Variants in ASIC2 observed in about 807,000 individuals in gnomAD.
ASIC2 encodes the protein acid-sensing ion channel 2.
In ASIC2, 25 loss-of-function variants were observed where a neutral mutation model predicts 57.3. The observed-to-expected ratio is 0.44, with a 90% CI of 0.32 to 0.61. The LOEUF is 0.61. Ranked by LOEUF, ASIC2 falls within the 20% of genes least tolerant of loss-of-function variation. The probability of loss-of-function intolerance (pLI) is 0.06; values close to 1 mark genes in which losing one functional copy is unlikely to be tolerated. For synonymous variants in ASIC2, 319 were observed against 307.5 expected (o/e 1.04, Z -0.39); for missense variants, 641 against 738.1 (o/e 0.87, Z 1.52).
chr17:34,117,253 GATAT>G (rs754618283), intron 1 of ASIC2, among the ~76,000 whole-genome samples: 6 of 152,126 alleles, frequency 3.9e-5, no homozygotes, highest in Non-Finnish European at 7.4e-5. Context: ...GTGGAAAAAA[GATAT>G]ATAAACAGAC....
At chr17:33,073,961 G>A (rs779300650) in intron 3 of ASIC2, among the ~76,000 whole-genome samples, 4 of 152,108 alleles carry the variant, frequency 2.6e-5, no homozygotes, top group Non-Finnish European at 4.4e-5. Context: ...TGAGGAGAGA[G>A]AACAACAGAG....
intron 1 of ASIC2, among the ~76,000 whole-genome samples, chr17:33,154,399 A>G (rs1176623385): frequency 6.6e-6 from 1 of 152,198 alleles, no homozygotes; most frequent in Admixed American, 6.5e-5. Context: ...CATTCTTTAA[A>G]AAGTTGGTAG....
chr17:34,035,800 C>T (rs2142041190), intron 1 of ASIC2, among the ~76,000 whole-genome samples: 1 of 152,236 alleles, frequency 6.6e-6, no homozygotes, highest in Non-Finnish European at 1.5e-5. Flanking sequence ...CATCACTGGC[C>T]ATCAGAGAAA....
intron 1 of ASIC2, among the ~76,000 whole-genome samples, chr17:33,934,454 T>A (rs868046195): frequency 6.6e-6 from 1 of 152,162 alleles, no homozygotes. Flanking sequence ...CTCGGGGAGT[T>A]CATAGTCTTT....
rs548214519 is a variant in ASIC2 at position 34,086,771 on chromosome 17, T to C, written c.555+69207A>G. Reference sequence around the variant, plus strand: ...AGGATAGTTAGCTCTTCTTGTTGAATTGATCCCTTTCCCATTATGTAATGG... The same window carrying C: ...AGGATAGTTAGCTCTTCTTGTTGAACTGATCCCTTTCCCATTATGTAATGG... On this transcript the variant is annotated intron_variant, in intron 1 of 9. Coordinates refer to the ASIC2 transcript ENST00000359872. 3.3e-5 allele frequency among the ~76,000 whole-genome samples: 5 copies of C among 152,378 alleles called. No individual in the cohort carries two copies. The South Asian group carries it at 1.0e-3, about 32-fold the overall frequency.
chr17:33,803,822 A>AT (rs199728816), intron 1 of ASIC2, among the ~76,000 whole-genome samples: 6,173 of 151,220 alleles, frequency 0.041, 146 homozygotes, highest in Middle Eastern at 0.072. Context: ...TGTAACTGGC[A>AT]TTTTTTTTTA....
intron 1 of ASIC2, among the ~76,000 whole-genome samples, chr17:33,392,954 C>T (rs933320594): frequency 2.0e-5 from 3 of 152,036 alleles, no homozygotes; most frequent in Non-Finnish European, 4.4e-5. Flanking sequence ...GTAGATAAGC[C>T]CTGCAGACTG....
chr17:34,018,360 C>A (rs551599516), intron 1 of ASIC2, among the ~76,000 whole-genome samples: 86 of 152,328 alleles, frequency 5.6e-4, no homozygotes, highest in African/African-American at 1.9e-3. Flanking sequence ...ATTGACAATG[C>A]ATCTGGTGAC....
intron 1 of ASIC2, among the ~76,000 whole-genome samples, chr17:33,666,639 G>T (rs1001266859): frequency 6.6e-6 from 1 of 152,184 alleles, no homozygotes; most frequent in Non-Finnish European, 1.5e-5. Flanking sequence ...AGGGTCCCTT[G>T]TCTGTCCCAG....
At chr17:33,779,694 G>T (rs760141319) in intron 1 of ASIC2, among the ~76,000 whole-genome samples, 1 of 152,112 alleles carries the variant, frequency 6.6e-6, no homozygotes, top group Non-Finnish European at 1.5e-5. Context: ...GGATTATCCC[G>T]CAAAGGGGTT....
At chr17:33,970,313 A>T (rs1905192561) in intron 1 of ASIC2, among the ~76,000 whole-genome samples, 1 of 152,172 alleles carries the variant, frequency 6.6e-6, no homozygotes, top group Non-Finnish European at 1.5e-5. Flanking sequence ...CTCGAAGCCC[A>T]GGCAGCACCC....
intron 3 of ASIC2, among the ~76,000 whole-genome samples, chr17:33,048,510 AG>A (rs1187311224): frequency 2.0e-5 from 3 of 152,210 alleles, no homozygotes; most frequent in Non-Finnish European, 4.4e-5. Flanking sequence ...AATCCAGGTA[AG>A]GGGCTTAATT....
intron 1 of ASIC2, among the ~76,000 whole-genome samples, chr17:33,553,722 C>T (rs4795807): frequency 0.46 from 69,688 of 151,918 alleles, 16,142 homozygotes; most frequent in South Asian, 0.53. Context: ...ATCTTTAACC[C>T]AATTCATTCT....
intron 1 of ASIC2, among the ~76,000 whole-genome samples, chr17:33,466,915 A>G (rs1004294369): frequency 6.6e-6 from 1 of 152,208 alleles, no homozygotes; most frequent in African/African-American, 2.4e-5. Context: ...AGGCAATACC[A>G]TTCAAGACAT....
chr17:33,539,549 A>G lies in ASIC2; in HGVS notation c.556-427482T>C, dbSNP rs140895026. Among the ~76,000 whole-genome samples the G allele has an allele frequency of 5.3e-3, 803 of 152,360 alleles. 6 individuals carry two copies. The highest frequency in any genetic ancestry group is 0.018 in the African/African-American group (768 of 41,582). ...CCAGGGAAACATGTAGACAACTTTA[A>G]CATTCAATGCCTTGTAGAAGTGCAA... On this transcript the variant is annotated intron_variant, in intron 1 of 9. Transcript: ENST00000359872.
At chr17:33,459,356 G>A (rs1436187791) in intron 1 of ASIC2, among the ~76,000 whole-genome samples, 2 of 152,130 alleles carry the variant, frequency 1.3e-5, no homozygotes, top group African/African-American at 4.8e-5. Flanking sequence ...CCCAGGAGAC[G>A]CGTGCAGGAT....
intron 1 of ASIC2, chr17:34,039,828 T>C: frequency 6.2e-7 from 1 of 1,608,268 alleles, no homozygotes; most frequent in Non-Finnish European, 8.5e-7. Context: ...TGGCCTCCAA[T>C]AATTTCTGCC....
chr17:34,134,663 T>C (rs1912079947), intron 1 of ASIC2, among the ~76,000 whole-genome samples: 1 of 152,210 alleles, frequency 6.6e-6, no homozygotes, highest in Non-Finnish European at 1.5e-5. Context: ...ATGTGATTAC[T>C]TTCTCAATGC....
intron 1 of ASIC2, among the ~76,000 whole-genome samples, chr17:33,233,743 G>T (rs1302868969): frequency 1.3e-5 from 2 of 151,934 alleles, no homozygotes; most frequent in African/African-American, 4.8e-5. Context: ...GACTTGAGGT[G>T]CTAGCTCTTT....
Sources: allele counts gnomAD v4.1 joint callset (sites outside exome capture counted in the v4.1 genomes callset), GRCh38; gene constraint gnomAD v4.1.1; transcripts MANE v1.5; gene names NCBI Gene and HGNC (gene_info 2026-07-23, HGNC 2026-07-21).